Variants in CSMD1 observed in about 807,000 individuals in gnomAD.
CSMD1 encodes CUB and Sushi multiple domains 1.
CSMD1 carries 213 observed loss-of-function variants against 417.5 expected under a neutral mutation model. The observed-to-expected ratio is 0.51, with a 90% CI of 0.46 to 0.57. The LOEUF (loss-of-function observed/expected upper bound fraction) is 0.57, where lower values mean the gene tolerates loss of function less well. CSMD1 is among the 20% of genes least tolerant of loss of function. The pLI, the probability that CSMD1 is intolerant of heterozygous loss-of-function variation, is 0.00. For synonymous variants in CSMD1, 2,862 were observed against 1,736.8 expected, an observed-to-expected ratio of 1.65 and a Z score of -16.11; for missense variants, 6,923 against 4,529.7, an observed-to-expected ratio of 1.53 and a Z score of -15.17.
chr8:2,942,557 T>G lies in CSMD1; in HGVS notation c.10450A>C (p.Ser3484Arg), dbSNP rs980018190. Residue 3484 changes from serine to arginine, a missense_variant, in exon 69 of 70, where the codon AGC becomes CGC. Ser to Arg is a moderately radical substitution (Grantham distance 110, BLOSUM62 -1). Transcript: ENST00000635120. ...ATGGCAGCCGCCACAGAGCCACTGCTGGTGCCGTGGTAATGACTGGAAGAG... is the reference window on the plus strand; with the variant it reads ...ATGGCAGCCGCCACAGAGCCACTGCGGGTGCCGTGGTAATGACTGGAAGAG... ...QDSSSHYHGT[S>R]SGSVAAAILV... 1 of 1,606,810 alleles carries G rather than the reference T, an allele frequency of 6.2e-7. No homozygotes were observed. Among genetic ancestry groups the G allele is most frequent in the Non-Finnish European group, 8.5e-7 (1 of 1,175,730 alleles).
At chr8:4,817,490 A>G (rs759153654) in intron 1 of CSMD1, among the ~76,000 whole-genome samples, 6 of 152,250 alleles carry the variant, frequency 3.9e-5, no homozygotes, top group Non-Finnish European at 5.9e-5. Flanking sequence ...GGCACGTCCA[A>G]TGATCCAGTT....
At chr8:4,279,095 TA>T (rs1796641643) in intron 3 of CSMD1, among the ~76,000 whole-genome samples, 1 of 152,124 alleles carries the variant, frequency 6.6e-6, no homozygotes, top group South Asian at 2.1e-4. Context: ...AATTTTTTTT[TA>T]AAAAACACCA....
chr8:3,265,005 C>G (rs1801331156), intron 26 of CSMD1, among the ~76,000 whole-genome samples: 1 of 152,118 alleles, frequency 6.6e-6, no homozygotes, highest in Non-Finnish European at 1.5e-5. Context: ...GTATTTTAAC[C>G]ACCTCTGTGA....
In CSMD1 at chr8:4,031,960, G is replaced by C; in HGVS notation, c.555C>G (p.Cys185Trp). 1 of 1,613,990 alleles carries C rather than the reference G, an allele frequency of 6.2e-7. No individual in the cohort carries two copies. The highest frequency in any genetic ancestry group is 8.5e-7 in the Non-Finnish European group (1 of 1,179,898). The change falls in exon 4 of 70, where the codon TGC (cysteine) becomes TGG (tryptophan). Residue 185 changes from cysteine (C) to tryptophan (W), a missense_variant. By Grantham distance (215) the Cys-to-Trp change is radical. Coordinates refer to ENST00000635120, the MANE Select transcript of CSMD1 (RefSeq NM_033225.6). ...YILEGHAILTCIVSPGNGASW... is the reference protein window; with the variant it reads ...YILEGHAILTWIVSPGNGASW... The stretch of plus-strand genomic sequence containing the variant: ...ATGCACCATTTCCTGGGCTGACGAT[G>C]CAGGTCAGGATGGCGTGGCCTTCCA...
intron 1 of CSMD1, among the ~76,000 whole-genome samples, chr8:4,647,778 G>C (rs376525256): frequency 2.0e-5 from 3 of 152,314 alleles, no homozygotes; most frequent in East Asian, 3.9e-4. Flanking sequence ...GTATTCCATG[G>C]TGTGTATGTA....
chr8:3,047,749 C>T (rs1811555389), intron 50 of CSMD1, among the ~76,000 whole-genome samples: 1 of 152,190 alleles, frequency 6.6e-6, no homozygotes, highest in Admixed American at 6.5e-5. Flanking sequence ...AATGCCAATC[C>T]CTTTTTTGGC....
chr8:4,242,585 G>C (rs993687683), intron 3 of CSMD1, among the ~76,000 whole-genome samples: 2 of 152,118 alleles, frequency 1.3e-5, no homozygotes, highest in Admixed American at 6.5e-5. Flanking sequence ...AAATGTTAAT[G>C]AATGTATCTA....
At chr8:3,327,163 A>G (rs565326723) in intron 23 of CSMD1, among the ~76,000 whole-genome samples, 189 of 151,174 alleles carry the variant, frequency 1.3e-3, no homozygotes, top group African/African-American at 4.4e-3. Context: ...TTTTTTTTGA[A>G]AGAGACTCTC....
At chr8:4,777,190 G>A (rs1038173326) in intron 1 of CSMD1, among the ~76,000 whole-genome samples, 3 of 152,166 alleles carry the variant, frequency 2.0e-5, no homozygotes, top group Non-Finnish European at 2.9e-5. Flanking sequence ...TTACCTTGTG[G>A]TTGTTATTTT....
At chr8:4,927,548 A>G (rs1806953459) in intron 1 of CSMD1, among the ~76,000 whole-genome samples, 1 of 152,124 alleles carries the variant, frequency 6.6e-6, no homozygotes, top group Non-Finnish European at 1.5e-5. Context: ...GAAAGGGGCA[A>G]CAACTAGCAT....
At chr8:3,375,706 C>T (rs1419557516) in intron 18 of CSMD1, among the ~76,000 whole-genome samples, 1 of 152,072 alleles carries the variant, frequency 6.6e-6, no homozygotes, top group Non-Finnish European at 1.5e-5. Context: ...ATCCTGATGA[C>T]CAGCCCCCAT....
chr8:4,915,678 C>T (rs1343528647), intron 1 of CSMD1, among the ~76,000 whole-genome samples: 2 of 152,138 alleles, frequency 1.3e-5, no homozygotes, highest in Admixed American at 1.3e-4. Context: ...TAGCGCCCGG[C>T]GGCAGTGGAT....
intron 1 of CSMD1, among the ~76,000 whole-genome samples, chr8:4,975,165 C>A (rs1810476282): frequency 1.3e-5 from 2 of 152,120 alleles, no homozygotes; most frequent in Admixed American, 6.5e-5. Flanking sequence ...TAAGAGGGAA[C>A]CAAGGTCCTA....
chr8:3,545,452 G>A (rs961847783), intron 10 of CSMD1, among the ~76,000 whole-genome samples: 4 of 152,202 alleles, frequency 2.6e-5, no homozygotes, highest in Non-Finnish European at 4.4e-5. Context: ...GTGCAAAACA[G>A]AAGGTAAATT....
At chr8:4,798,442 G>C (rs144735678) in intron 1 of CSMD1, among the ~76,000 whole-genome samples, 162 of 152,214 alleles carry the variant, frequency 1.1e-3, no homozygotes, top group Admixed American at 2.7e-3. Context: ...TTTTTAAAAA[G>C]GAGATGAGAT....
chr8:3,227,227 C>A (rs1798561381), intron 27 of CSMD1, among the ~76,000 whole-genome samples: 1 of 151,902 alleles, frequency 6.6e-6, no homozygotes, highest in Non-Finnish European at 1.5e-5. Context: ...AGTGAAAACC[C>A]ATCTCTACTA....
chr8:4,589,406 T>A (rs889965608), intron 2 of CSMD1, among the ~76,000 whole-genome samples: 1 of 152,140 alleles, frequency 6.6e-6, no homozygotes, highest in Non-Finnish European at 1.5e-5. Flanking sequence ...CCAATGATAG[T>A]AAGGAATAGA....
chr8:4,950,109 T>G (rs996736188), intron 1 of CSMD1, among the ~76,000 whole-genome samples: 1 of 108,518 alleles, frequency 9.2e-6, no homozygotes, highest in Non-Finnish European at 2.1e-5. Flanking sequence ...CATAGAAATG[T>G]TTCATATGAT....
chr8:3,874,578 A>G (rs547047061), intron 5 of CSMD1, among the ~76,000 whole-genome samples: 1 of 152,280 alleles, frequency 6.6e-6, no homozygotes, highest in African/African-American at 2.4e-5. Flanking sequence ...TCTGTGATGG[A>G]GATCTTCTTA....
Sources: gnomAD v4.1 joint callset for allele counts (sites outside exome capture counted in the v4.1 genomes callset) on GRCh38, gnomAD v4.1.1 for gene constraint, MANE v1.5 for transcripts, NCBI Gene and HGNC (gene_info 2026-07-23, HGNC 2026-07-21) for gene names.